Variants in SERPINA3 observed in about 807,000 individuals in gnomAD.
SERPINA3 encodes the protein serpin family A member 3.
A neutral mutation model predicts 26.8 loss-of-function variants in SERPINA3; 32 were observed. The ratio of observed to expected loss-of-function variants is 1.20; its 90% CI spans 0.90 to 1.61. The LOEUF (loss-of-function observed/expected upper bound fraction) is 1.61, where lower values mean the gene tolerates loss of function less well. Ranked by LOEUF, SERPINA3 falls within the 40% of genes most tolerant of loss-of-function variation. The pLI is 0.00. For synonymous variants in SERPINA3, 252 were observed against 206.4 expected (o/e 1.22, Z -1.89); for missense variants, 632 against 517.9 (o/e 1.22, Z -2.14).
At chr14:94,620,421 T>C (rs1187577662) in intron 3 of SERPINA3, among the ~76,000 whole-genome samples, 2 of 151,482 alleles carry the variant, frequency 1.3e-5, no homozygotes, top group African/African-American at 4.9e-5. Flanking sequence ...GAGGAGAGAG[T>C]TGAGAGAGGT....
At chr14:94,618,242 C>T (rs1468159706) in intron 2 of SERPINA3, 3 of 152,224 alleles carry the variant, frequency 2.0e-5, no homozygotes, top group Non-Finnish European at 4.4e-5. Flanking sequence ...GCCTCTACCT[C>T]TACCTCTTTC....
At chr14:94,622,083 G>T (rs2284658) in intron 3 of SERPINA3, among the ~76,000 whole-genome samples, 1 of 152,152 alleles carries the variant, frequency 6.6e-6, no homozygotes, top group Non-Finnish European at 1.5e-5. Flanking sequence ...CAGGGAAAGG[G>T]CAGGGCCAGG....
At chr14:94,615,360 C>T (rs886624719) in intron 2 of SERPINA3, among the ~76,000 whole-genome samples, 4 of 152,230 alleles carry the variant, frequency 2.6e-5, no homozygotes, top group African/African-American at 4.8e-5. Flanking sequence ...TAAACTTGTC[C>T]GGCAAACAGA....
Position 94,619,345 on chromosome 14 carries a change from A to G in SERPINA3, c.794A>G (p.Glu265Gly). The G allele has an allele frequency of 6.2e-7, 1 of 1,614,190 alleles. No individual in the cohort carries two copies. Among genetic ancestry groups the G allele is most frequent in the Non-Finnish European group, 8.5e-7 (1 of 1,180,038 alleles). The change falls in exon 3 of 5, where the codon GAG (glutamate) becomes GGG (glycine). Residue 265 changes from glutamate to glycine, a missense_variant. Transcript: ENST00000393078. ...RDEELSCTVV[E>G]LKYTGNASAL... is the part of the protein sequence containing the mutation. ...GAGGAGCTGTCCTGCACCGTGGTGG[A>G]GCTGAAGTACACAGGCAATGCCAGC...
At position 94,612,455 on chromosome 14, in the gene SERPINA3, A is replaced by C; in HGVS notation, c.-9+8A>C. The C allele has an allele frequency of 2.2e-6, 3 of 1,358,992 alleles. No homozygotes were observed. Among genetic ancestry groups the C allele is most frequent in the Non-Finnish European group, 3.0e-6 (3 of 1,015,840 alleles). The allele number at this position is 1,358,992 out of a possible 1,614,324, so 84.2% of individuals were successfully genotyped here. A position where few individuals can be genotyped will look rare whatever the true frequency, so the allele number is the denominator to read the frequency against. On this transcript the variant is annotated splice_region_variant and intron_variant, in intron 1 of 4. Coordinates refer to ENST00000393078, the MANE Select transcript of SERPINA3 (RefSeq NM_001085.5). ...TCCAGCTCCCTGAGGCAGGTAATCCATGATGTTTTACATCCTGGGAGCGGA... is the reference window on the plus strand; with the variant it reads ...TCCAGCTCCCTGAGGCAGGTAATCCCTGATGTTTTACATCCTGGGAGCGGA...
intron 4 of SERPINA3, among the ~76,000 whole-genome samples, chr14:94,623,103 C>T (rs8007632): frequency 0.25 from 37,777 of 151,942 alleles, 4,777 homozygotes; most frequent in Middle Eastern, 0.37. Context: ...GGAGCAGACC[C>T]GTATGGTTCA....
chr14:94,615,417 G>A (rs781440820), intron 2 of SERPINA3: 2 of 476,800 alleles, frequency 4.2e-6, no homozygotes, highest in Non-Finnish European at 8.3e-6. Context: ...GTAGGAGCTA[G>A]AGCTCCCTCC....
intron 3 of SERPINA3, chr14:94,620,110 AC>A (rs1237231054): frequency 2.9e-6 from 1 of 347,894 alleles, no homozygotes; most frequent in Non-Finnish European, 5.1e-6. Context: ...GATCAGGAAA[AC>A]TGGAACTCGT....
intron 2 of SERPINA3, among the ~76,000 whole-genome samples, chr14:94,615,716 G>A (rs908165213): frequency 2.6e-5 from 4 of 152,216 alleles, no homozygotes; most frequent in African/African-American, 9.6e-5. Context: ...CTGGGGAAGA[G>A]CCTCAAGGGT....
At chr14:94,622,097 G>GGGC (rs1886221041) in intron 3 of SERPINA3, among the ~76,000 whole-genome samples, 1 of 152,232 alleles carries the variant, frequency 6.6e-6, no homozygotes, top group African/African-American at 2.4e-5. Context: ...GGCCAGGCTC[G>GGGC]AGCAGGGCCA....
intron 1 of SERPINA3, 55 bp downstream of exon 1, chr14:94,612,502 GT>G: frequency 8.8e-7 from 1 of 1,131,692 alleles, no homozygotes; most frequent in Non-Finnish European, 1.2e-6. Context: ...TTCCAGGAGA[GT>G]TTTAGGCAGC....
chr14:94,623,227 G>C (rs537457875), intron 4 of SERPINA3, among the ~76,000 whole-genome samples: 36 of 152,354 alleles, frequency 2.4e-4, no homozygotes, highest in African/African-American at 8.4e-4. Flanking sequence ...GCAGCTGCTT[G>C]TGGTCAAGAG....
At chr14:94,620,577 C>T (rs1437553069) in intron 3 of SERPINA3, among the ~76,000 whole-genome samples, 1 of 152,148 alleles carries the variant, frequency 6.6e-6, no homozygotes, top group East Asian at 1.9e-4. Context: ...AAAGACTAAT[C>T]CTGGCTGCTG....
chr14:94,623,743 A>T lies in SERPINA3; in HGVS notation c.1201A>T (p.Met401Leu), dbSNP rs755521612. 1 of 1,614,116 alleles carries T rather than the reference A, an allele frequency of 6.2e-7. No homozygotes were observed. Among genetic ancestry groups the T allele is most frequent in the African/African-American group, 1.3e-5 (1 of 75,028 alleles). Residue 401 changes from methionine to leucine, a missense_variant, in exon 5 of 5, where the codon ATG (methionine) becomes TTG (leucine). Coordinates refer to ENST00000393078, the MANE Select transcript of SERPINA3 (RefSeq NM_001085.5). ...TIVRFNRPFL[M>L]IIVPTDTQNI... Reference sequence around the variant, plus strand: ...TGTGCGTTTCAACAGGCCCTTCCTGATGATCATTGTCCCTACAGACACCCA... The same window carrying T: ...TGTGCGTTTCAACAGGCCCTTCCTGTTGATCATTGTCCCTACAGACACCCA...
intron 3 of SERPINA3, among the ~76,000 whole-genome samples, chr14:94,621,606 C>T (rs1886204145): frequency 6.6e-6 from 1 of 152,144 alleles, no homozygotes; most frequent in Non-Finnish European, 1.5e-5. Flanking sequence ...TAGGAGCTTG[C>T]TACCTGCTCT....
At chr14:94,613,902 C>A (rs1885876845) in intron 1 of SERPINA3, 1 of 161,362 alleles carries the variant, frequency 6.2e-6, no homozygotes, top group Admixed American at 5.7e-5. Context: ...GTGGAGGCCA[C>A]ACCACGTGAC....
chr14:94,618,848 A>G, intron 2 of SERPINA3: 1 of 432,350 alleles, frequency 2.3e-6, no homozygotes, highest in Non-Finnish European at 4.3e-6. Flanking sequence ...TATGGAACAA[A>G]GGCTGTCCCA....
Position 94,619,213 on chromosome 14 carries a change from T to G in SERPINA3, c.662T>G (p.Phe221Cys), listed in dbSNP as rs1457598255. The change falls in exon 3 of 5, where the codon TTT (phenylalanine) becomes TGT (cysteine). Residue 221 changes from phenylalanine (F) to cysteine (C), a missense_variant. Coordinates refer to ENST00000393078, the MANE Select transcript of SERPINA3 (RefSeq NM_001085.5). ...IFFKAKWEMPFDPQDTHQSRF... is the reference protein window; with the variant it reads ...IFFKAKWEMPCDPQDTHQSRF... ...CCTTCAGCCAAATGGGAGATGCCCTTTGACCCCCAAGATACTCATCAGTCA... is the reference window on the plus strand; with the variant it reads ...CCTTCAGCCAAATGGGAGATGCCCTGTGACCCCCAAGATACTCATCAGTCA... The G allele has an allele frequency of 6.2e-7, 1 of 1,614,160 alleles. No individual in the cohort carries two copies. Among genetic ancestry groups the G allele is most frequent in the East Asian group, 2.2e-5 (1 of 44,866 alleles).
At chr14:94,623,191 C>T (rs1256213435) in intron 4 of SERPINA3, among the ~76,000 whole-genome samples, 3 of 152,230 alleles carry the variant, frequency 2.0e-5, no homozygotes, top group South Asian at 2.1e-4. Context: ...GAAAGCCATG[C>T]TGGCTTGGCT....
Sources: allele counts gnomAD v4.1 joint callset (sites outside exome capture counted in the v4.1 genomes callset), GRCh38; gene constraint gnomAD v4.1.1; transcripts MANE v1.5; gene names NCBI Gene and HGNC (gene_info 2026-07-23, HGNC 2026-07-21).